SLA2: variants seen among roughly 807,000 people sequenced by gnomAD.
SLA2 encodes the protein Src like adaptor 2, also known as src-like-adapter 2.
In SLA2, 22 loss-of-function variants were observed where a neutral mutation model predicts 27.3. The ratio of observed to expected loss-of-function variants is 0.81; its 90% CI spans 0.58 to 1.15. SLA2 has a LOEUF of 1.15. SLA2 is among the 50% of genes most tolerant of loss of function. The pLI is 0.00. For missense variants in SLA2, 304 were observed against 322.2 expected (o/e 0.94, Z 0.43); for synonymous variants, 131 against 137.8 (o/e 0.95, Z 0.34).
rs545549623 is a variant in SLA2 at position 36,616,970 on chromosome 20, A to G, written c.383-1596T>C. Among the ~76,000 whole-genome samples the G allele has an allele frequency of 1.6e-4, 25 of 152,188 alleles. No individual in the cohort carries two copies. In the South Asian group the frequency reaches 5.0e-3, roughly 30 times the overall value. On this transcript the variant is annotated intron_variant, in intron 5 of 7. Coordinates refer to ENST00000262866, the MANE Select transcript of SLA2 (RefSeq NM_032214.4). Reference sequence around the variant, plus strand: ...AAGGCTAAGGCAGGAGAATCACTTGAACCCAGGAGGCAGAGGTTGCAGTGA... The same window carrying G: ...AAGGCTAAGGCAGGAGAATCACTTGGACCCAGGAGGCAGAGGTTGCAGTGA...
At chr20:36,630,496 A>G (rs545619094) in intron 5 of SLA2, among the ~76,000 whole-genome samples, 5 of 152,248 alleles carry the variant, frequency 3.3e-5, no homozygotes, top group African/African-American at 1.2e-4. Context: ...CAGTGCCAAC[A>G]TTACTGCCCC....
chr20:36,631,153 C>T (rs990225482), intron 5 of SLA2, among the ~76,000 whole-genome samples: 1 of 151,800 alleles, frequency 6.6e-6, no homozygotes, highest in African/African-American at 2.4e-5. Flanking sequence ...GGGCCATTCA[C>T]ATTCACTTTT....
intron 2 of SLA2, among the ~76,000 whole-genome samples, chr20:36,640,624 C>G (rs2039497259): frequency 6.6e-6 from 1 of 150,606 alleles, no homozygotes; most frequent in Non-Finnish European, 1.5e-5. Flanking sequence ...TCAAGTGATT[C>G]TCTTGCCTCA....
chr20:36,612,898 A>G lies in SLA2; in HGVS notation c.*968T>C, dbSNP rs533434475. 1 of 154,136 alleles carries G rather than the reference A, an allele frequency of 6.5e-6. No individual in the cohort carries two copies. Among genetic ancestry groups the G allele is most frequent in the Admixed American group, 6.4e-5 (1 of 15,688 alleles). The allele number at this position is 154,136 out of a possible 1,614,324, so 9.5% of individuals were successfully genotyped here. A position where few individuals can be genotyped will look rare whatever the true frequency, so the allele number is the denominator to read the frequency against. On this transcript the variant is annotated 3_prime_UTR_variant, in exon 8 of 8. Transcript: ENST00000262866. ...GATGGCAAGGCCAGTGTGCTAGGGA[A>G]TGGTAAGCCACAAAATGAAATAGAG...
At chr20:36,618,933 A>G (rs2039246550) in intron 5 of SLA2, among the ~76,000 whole-genome samples, 1 of 147,632 alleles carries the variant, frequency 6.8e-6, no homozygotes, top group Non-Finnish European at 1.5e-5. Context: ...AAAAAAAAAA[A>G]AGTATCTAGA....
intron 1 of SLA2, among the ~76,000 whole-genome samples, chr20:36,641,616 C>T (rs2039507671): frequency 6.6e-6 from 1 of 152,076 alleles, no homozygotes; most frequent in Non-Finnish European, 1.5e-5. Flanking sequence ...CTTTCTGGGC[C>T]TCTGCTTGGG....
intron 5 of SLA2, among the ~76,000 whole-genome samples, chr20:36,627,482 T>G (rs1477713641): frequency 6.6e-6 from 1 of 152,174 alleles, no homozygotes; most frequent in Non-Finnish European, 1.5e-5. Context: ...AAGCCATGAC[T>G]TAGCAGGCCT....
chr20:36,634,709 G>A (rs527757245), intron 2 of SLA2, 120 bp from the exon 3 acceptor site: 1 of 553,792 alleles, frequency 1.8e-6, no homozygotes, highest in Non-Finnish European at 3.2e-6. Flanking sequence ...CCCTGAGGGA[G>A]TCCCATCCAC....
chr20:36,614,080 T>G, intron 7 of SLA2, 94 bp from the exon 8 acceptor site: 2 of 1,551,390 alleles, frequency 1.3e-6, no homozygotes, highest in South Asian at 1.2e-5. Flanking sequence ...AACCCTTCAC[T>G]CCTGCTGAGG....
At chr20:36,622,900 G>A (rs967344516) in intron 5 of SLA2, among the ~76,000 whole-genome samples, 2 of 152,186 alleles carry the variant, frequency 1.3e-5, no homozygotes, top group South Asian at 4.1e-4. Context: ...TGCAGATCAG[G>A]ACCTGAACAT....
At chr20:36,635,474 G>A (rs2039435236) in intron 2 of SLA2, among the ~76,000 whole-genome samples, 1 of 151,594 alleles carries the variant, frequency 6.6e-6, no homozygotes, top group Admixed American at 6.6e-5. Flanking sequence ...AGACAAGGAT[G>A]GGGGTGTTGG....
chr20:36,616,997 C>T (rs2039219909), intron 5 of SLA2, among the ~76,000 whole-genome samples: 1 of 151,888 alleles, frequency 6.6e-6, no homozygotes, highest in African/African-American at 2.4e-5. Context: ...TTGCAGTGAG[C>T]CGAGATTGTG....
chr20:36,626,760 C>T (rs1455853767), intron 5 of SLA2, among the ~76,000 whole-genome samples: 3 of 149,194 alleles, frequency 2.0e-5, no homozygotes, highest in Non-Finnish European at 3.0e-5. Flanking sequence ...AGGAGAATGG[C>T]GTGAAACCGG....
intron 2 of SLA2, among the ~76,000 whole-genome samples, chr20:36,639,626 G>A (rs994943619): frequency 6.6e-6 from 1 of 151,936 alleles, no homozygotes; most frequent in Non-Finnish European, 1.5e-5. Flanking sequence ...GGCCGAGGTG[G>A]GTGGATCACG....
intron 5 of SLA2, among the ~76,000 whole-genome samples, chr20:36,631,107 T>C (rs1368017119): frequency 6.6e-6 from 1 of 152,226 alleles, no homozygotes. Context: ...AAAATCCTAG[T>C]TGCCAATGTG....
chr20:36,618,871 C>T (rs983934436), intron 5 of SLA2, among the ~76,000 whole-genome samples: 1 of 118,894 alleles, frequency 8.4e-6, no homozygotes, highest in Admixed American at 1.2e-4. Context: ...TGTACCATTT[C>T]ACTACAGCCT....
At chr20:36,629,255 G>A (rs936394134) in intron 5 of SLA2, among the ~76,000 whole-genome samples, 2 of 151,750 alleles carry the variant, frequency 1.3e-5, no homozygotes, top group African/African-American at 2.4e-5. Context: ...AGTACAGATG[G>A]GGTTTCGCCA....
intron 5 of SLA2, among the ~76,000 whole-genome samples, chr20:36,623,259 T>A (rs2039303122): frequency 9.4e-6 from 1 of 106,324 alleles, no homozygotes; most frequent in Admixed American, 1.4e-4. Flanking sequence ...AGAGTGACAT[T>A]ACATCTCAAA....
intron 5 of SLA2, among the ~76,000 whole-genome samples, chr20:36,624,212 A>AGG (rs2039313320): frequency 6.6e-6 from 1 of 152,090 alleles, no homozygotes; most frequent in Non-Finnish European, 1.5e-5. Flanking sequence ...AGCAGGAAGG[A>AGG]GGGGTCAGGT....
Sources: allele counts gnomAD v4.1 joint callset (sites outside exome capture counted in the v4.1 genomes callset), GRCh38; gene constraint gnomAD v4.1.1; transcripts MANE v1.5; gene names NCBI Gene and HGNC (gene_info 2026-07-23, HGNC 2026-07-21).